Variants in ABCC1 observed in about 807,000 individuals in gnomAD.
The protein encoded by ABCC1 is multidrug resistance-associated protein 1.
Under a neutral mutation model 172.9 loss-of-function variants are expected in ABCC1, and 83 were observed. The ratio of observed to expected loss-of-function variants is 0.48; its 90% CI spans 0.40 to 0.58. The LOEUF (loss-of-function observed/expected upper bound fraction) is 0.58. Ranked by LOEUF, ABCC1 falls within the 20% of genes least tolerant of loss-of-function variation. The pLI is 0.00. For synonymous variants in ABCC1, 937 were observed against 825.2 expected, an observed-to-expected ratio of 1.14 and a Z score of -2.32; for missense variants, 1,817 against 2,002.7, an observed-to-expected ratio of 0.91 and a Z score of 1.77.
chr16:16,109,383 C>T (rs564649249), intron 21 of ABCC1, among the ~76,000 whole-genome samples: 16 of 152,212 alleles, frequency 1.1e-4, no homozygotes, highest in African/African-American at 3.4e-4. Context: ...TACTGTGTTT[C>T]CCAGGCTGGT....
chr16:16,134,613 T>A, intron 28 of ABCC1, 105 bp downstream of exon 28: 7 of 811,490 alleles, frequency 8.6e-6, no homozygotes, highest in Non-Finnish European at 1.3e-5. Context: ...CATTTGGCCC[T>A]ACTTCATCGT....
At chr16:16,111,635 G>C (rs2152086365) in intron 22 of ABCC1, 53 bp downstream of exon 22, 1 of 1,527,888 alleles carries the variant, frequency 6.5e-7, no homozygotes. Context: ...TTGTGGCTTT[G>C]TCTAATTATA....
At chr16:16,000,826 A>C (rs1313692396) in intron 1 of ABCC1, among the ~76,000 whole-genome samples, 1 of 152,110 alleles carries the variant, frequency 6.6e-6, no homozygotes, top group Non-Finnish European at 1.5e-5. Context: ...GATCATTGCA[A>C]AGGTTGGGGG....
In ABCC1 at chr16:16,085,775, G is replaced by A. The variant is rs146650634; in HGVS notation, c.2293-1049G>A. Among the ~76,000 whole-genome samples the A allele has an allele frequency of 2.3e-3, 347 of 152,316 alleles. 1 individual carries two copies. The highest frequency in any genetic ancestry group is 8.0e-3 in the African/African-American group (331 of 41,574). On this transcript the variant is annotated intron_variant, in intron 17 of 30. Transcript: ENST00000399410. ...AGCCTGGGCGACAGAGTGAGATTCT[G>A]TCTCCAAAAACAAAAAGAAGGCACG...
chr16:16,018,341 G>A (rs1276557382), intron 5 of ABCC1, among the ~76,000 whole-genome samples: 1 of 152,150 alleles, frequency 6.6e-6, no homozygotes, highest in Admixed American at 6.5e-5. Context: ...TTGAGTTCAG[G>A]AGTTCGAGAC....
intron 9 of ABCC1, among the ~76,000 whole-genome samples, chr16:16,046,432 C>T (rs2049212232): frequency 6.6e-6 from 1 of 152,044 alleles, no homozygotes; most frequent in Admixed American, 6.6e-5. Flanking sequence ...GCAACTTCTG[C>T]CTCCTGAGTT....
chr16:16,087,231 A>C (rs1413819716), intron 18 of ABCC1, among the ~76,000 whole-genome samples: 1 of 152,096 alleles, frequency 6.6e-6, no homozygotes, highest in Admixed American at 6.5e-5. Flanking sequence ...TGGCCAAGGG[A>C]GGCCTCTCTT....
intron 7 of ABCC1, among the ~76,000 whole-genome samples, chr16:16,036,909 G>A (rs536369392): frequency 5.3e-5 from 8 of 152,246 alleles, no homozygotes; most frequent in African/African-American, 1.4e-4. Flanking sequence ...TTTGAGACCA[G>A]CCTGGCCAAC....
chr16:16,037,669 A>G (rs1186310328), intron 7 of ABCC1, among the ~76,000 whole-genome samples: 2 of 152,146 alleles, frequency 1.3e-5, no homozygotes, highest in African/African-American at 4.8e-5. Flanking sequence ...TGGTGGGGCC[A>G]GTGTGGTGCA....
intron 1 of ABCC1, among the ~76,000 whole-genome samples, chr16:15,951,864 A>G (rs868521272): frequency 6.6e-6 from 1 of 151,852 alleles, no homozygotes; most frequent in South Asian, 2.1e-4. Flanking sequence ...TAATTTTTGT[A>G]TTTTTTATAG....
chr16:15,955,842 C>T (rs957838389), intron 1 of ABCC1, among the ~76,000 whole-genome samples: 1 of 152,182 alleles, frequency 6.6e-6, no homozygotes, highest in Non-Finnish European at 1.5e-5. Context: ...GGATTTTGGC[C>T]TGTGTTTGTT....
intron 1 of ABCC1, among the ~76,000 whole-genome samples, chr16:15,989,369 G>A (rs755683742): frequency 5.9e-5 from 9 of 152,158 alleles, no homozygotes; most frequent in South Asian, 2.1e-4. Flanking sequence ...CCTGCCAGCC[G>A]TGCTTGCCTC....
intron 12 of ABCC1, among the ~76,000 whole-genome samples, chr16:16,064,758 A>G (rs577415537): frequency 1.2e-4 from 18 of 152,314 alleles, no homozygotes; most frequent in Admixed American, 1.0e-3. Context: ...TTCACTGAGC[A>G]CCATGATCTG....
intron 1 of ABCC1, among the ~76,000 whole-genome samples, chr16:16,003,546 G>C (rs1018316394): frequency 6.7e-6 from 1 of 148,574 alleles, no homozygotes; most frequent in Non-Finnish European, 1.5e-5. Flanking sequence ...TGGGTGGATG[G>C]ATGGATGGAT....
At chr16:16,096,917 TAA>T (rs57860672) in intron 19 of ABCC1, among the ~76,000 whole-genome samples, 6 of 150,636 alleles carry the variant, frequency 4.0e-5, no homozygotes, top group South Asian at 2.1e-4. Flanking sequence ...GTGTTTGCTT[TAA>T]AAAAAAAAAG....
At chr16:16,075,646 C>T (rs1038203542) in intron 14 of ABCC1, among the ~76,000 whole-genome samples, 2 of 152,162 alleles carry the variant, frequency 1.3e-5, no homozygotes, top group Non-Finnish European at 2.9e-5. Context: ...AAGACAGAAA[C>T]ATGGAACCAG....
At chr16:15,991,764 A>G (rs777168503) in intron 1 of ABCC1, among the ~76,000 whole-genome samples, 3 of 152,110 alleles carry the variant, frequency 2.0e-5, no homozygotes, top group Non-Finnish European at 4.4e-5. Context: ...TGCTAAGGCC[A>G]TACACGCCGA....
At chr16:15,954,540 C>G (rs908470620) in intron 1 of ABCC1, among the ~76,000 whole-genome samples, 3 of 144,430 alleles carry the variant, frequency 2.1e-5, no homozygotes, top group Admixed American at 7.1e-5. Flanking sequence ...GAGGGTGACC[C>G]GGGAGAGGCC....
chr16:16,037,974 G>T (rs1283335465), intron 7 of ABCC1, among the ~76,000 whole-genome samples: 2 of 152,194 alleles, frequency 1.3e-5, no homozygotes, highest in Non-Finnish European at 2.9e-5. Flanking sequence ...CCATGACCCA[G>T]TTGAAGGTTT....
Sources: allele counts gnomAD v4.1 joint callset (sites outside exome capture counted in the v4.1 genomes callset), GRCh38; gene constraint gnomAD v4.1.1; transcripts MANE v1.5; gene names NCBI Gene and HGNC (gene_info 2026-07-23, HGNC 2026-07-21).